UBR3: variants seen among roughly 807,000 people sequenced by gnomAD.
UBR3 encodes the protein ubiquitin protein ligase E3 component n-recognin 3.
In UBR3, 85 loss-of-function variants were observed where a neutral mutation model predicts 243.2. That is an observed-to-expected ratio of 0.35 (90% CI 0.29 to 0.42). The LOEUF is 0.42. UBR3 is among the 10% of genes least tolerant of loss of function. The pLI is 1.00. For synonymous variants in UBR3, 748 were observed against 799.8 expected, an observed-to-expected ratio of 0.94 and a Z score of 1.09; for missense variants, 1,686 against 2,300.8, an observed-to-expected ratio of 0.73 and a Z score of 5.47.
chr2:170,039,329 T>C lies in UBR3; in HGVS notation c.4557-1553T>C, dbSNP rs1241105731. 2.6e-5 allele frequency among the ~76,000 whole-genome samples: 4 copies of C among 152,166 alleles called. No individual in the cohort carries two copies. The East Asian group carries it at 5.8e-4, about 22-fold the overall frequency. ...TTTGTAATTAGGAGATCATTGTTGA[T>C]CATGTGAAACTATTTCTGTGGGGAA... is the stretch of plus-strand genomic sequence containing the variant. On this transcript the variant is annotated intron_variant, in intron 31 of 38. Transcript: ENST00000272793.
rs1211044883 is a variant in UBR3, at chr2:170,061,387, A to G, written c.4963A>G (p.Arg1655Gly). 6.2e-7 allele frequency: 1 copy of G among 1,614,116 alleles called. No homozygotes were observed. Among genetic ancestry groups the G allele is most frequent in the African/African-American group, 1.3e-5 (1 of 75,034 alleles). The part of the protein sequence containing the change: ...CLQDFCLPFL[R>G]ITSLLQHHLF... ...ACAGGACTTCTGCTTACCTTTTCTC[A>G]GAATCACCAGCCTTCTTCAGCACCA... The change falls in exon 35 of 39, where the codon AGA becomes GGA. Residue 1655 changes from arginine (R) to glycine (G), a missense_variant. Around this residue, in one of 8 missense-constraint regions of UBR3, gnomAD observed 371 missense variants for 422.5 expected, o/e 0.88. Coordinates refer to ENST00000272793, the MANE Select transcript of UBR3 (RefSeq NM_172070.4).
intron 18 of UBR3, among the ~76,000 whole-genome samples, chr2:169,931,073 C>T (rs764620240): frequency 9.2e-5 from 14 of 152,068 alleles, no homozygotes; most frequent in African/African-American, 2.7e-4. Context: ...CGATCAAGGC[C>T]GGGCGCAGTG....
rs529324045 is a variant in UBR3 at position 169,964,865 on chromosome 2, C to A, written c.3634+6339C>A. On this transcript the variant is annotated intron_variant, in intron 24 of 38. Coordinates refer to ENST00000272793, the MANE Select transcript of UBR3 (RefSeq NM_172070.4). The stretch of plus-strand genomic sequence containing the variant: ...CAGGAAGAACAATTGAGGGATCAGG[C>A]AAATATGATTGCTAGCAAACAGAGG... The A allele has an allele frequency of 1.9e-4, 87 of 456,784 alleles. 2 individuals carry two copies. The highest frequency in any genetic ancestry group is 1.3e-3 in the South Asian group (85 of 64,540). 28.3% of individuals were successfully genotyped at this position (456,784 alleles called of 1,614,324 possible).
chr2:170,078,052 C>G, intron 36 of UBR3: 1 of 681,376 alleles, frequency 1.5e-6, no homozygotes, highest in Non-Finnish European at 2.8e-6. Flanking sequence ...AGGTACTGCT[C>G]CCTGTGGAGT....
intron 1 of UBR3, among the ~76,000 whole-genome samples, chr2:169,851,752 C>G: frequency 6.6e-6 from 1 of 150,694 alleles, no homozygotes; most frequent in Admixed American, 6.6e-5. Flanking sequence ...GCAGGAGAAT[C>G]ACTTGAACCA....
intron 24 of UBR3, among the ~76,000 whole-genome samples, chr2:169,977,466 A>G (rs2088503827): frequency 6.6e-6 from 1 of 152,180 alleles, no homozygotes; most frequent in South Asian, 2.1e-4. Context: ...AGCTGACAGT[A>G]CAGTACCCGG....
chr2:169,949,999 T>A lies in UBR3; in HGVS notation c.3479T>A (p.Val1160Glu). 6.2e-7 allele frequency: 1 copy of A among 1,612,914 alleles called. No homozygotes were observed. Among genetic ancestry groups the A allele is most frequent in the East Asian group, 2.2e-5 (1 of 44,870 alleles). Residue 1160 changes from valine (V) to glutamate (E), a missense_variant, in exon 23 of 39, where the codon GTG becomes GAG. This residue lies in a region of UBR3 where 300 missense variants were observed against 314.4 expected (regional missense o/e 0.95). Coordinates refer to ENST00000272793, the MANE Select transcript of UBR3 (RefSeq NM_172070.4). ...KRIIEEICRK[V>E]TPPVPPKKVT... ...ATCATTGAAGAGATATGTAGAAAAGTGACCCCTCCTGTACCACCTAAAAAA... is the reference window on the plus strand; with the variant it reads ...ATCATTGAAGAGATATGTAGAAAAGAGACCCCTCCTGTACCACCTAAAAAA...
rs566033857 is a variant in UBR3, at chr2:169,929,531, G to A, written c.2566+663G>A. On this transcript the variant is annotated intron_variant, in intron 18 of 38. Coordinates refer to ENST00000272793, the MANE Select transcript of UBR3 (RefSeq NM_172070.4). Reference sequence around the variant, plus strand: ...GTGGAGGTTATAGTGAGACCCTATCGTGGCCACTGCACTCCAGCCTAGGCA... The same window carrying A: ...GTGGAGGTTATAGTGAGACCCTATCATGGCCACTGCACTCCAGCCTAGGCA... Among the ~76,000 whole-genome samples the A allele has an allele frequency of 2.5e-4, 38 of 152,108 alleles. No individual in the cohort carries two copies. The South Asian group carries it at 5.2e-3, about 21-fold the overall frequency.
chr2:170,065,841 A>G (rs924647235), intron 35 of UBR3, among the ~76,000 whole-genome samples: 5 of 152,152 alleles, frequency 3.3e-5, no homozygotes, highest in African/African-American at 4.8e-5. Context: ...TGAAAATACT[A>G]TATGTCCCAT....
intron 25 of UBR3, among the ~76,000 whole-genome samples, chr2:169,989,341 T>C (rs913071974): frequency 6.6e-6 from 1 of 152,186 alleles, no homozygotes; most frequent in African/African-American, 2.4e-5. Context: ...CTTTGTGGTC[T>C]TTTAATTAAT....
chr2:170,015,675 T>C (rs2090215322), intron 30 of UBR3, among the ~76,000 whole-genome samples: 1 of 151,906 alleles, frequency 6.6e-6, no homozygotes, highest in South Asian at 2.1e-4. Flanking sequence ...AATTTTTACA[T>C]TGAATTAAGA....
intron 21 of UBR3, 50 bp downstream of exon 21, chr2:169,946,442 G>T: frequency 9.9e-7 from 1 of 1,013,926 alleles, no homozygotes; most frequent in Non-Finnish European, 1.4e-6. Flanking sequence ...CCCCTATCTG[G>T]CTCCAACCAA....
chr2:169,875,490 G>C (rs2083574198), intron 2 of UBR3, among the ~76,000 whole-genome samples: 1 of 151,946 alleles, frequency 6.6e-6, no homozygotes, highest in Non-Finnish European at 1.5e-5. Flanking sequence ...CACCACACTT[G>C]GTTAATTTTT....
chr2:170,054,282 GC>G (rs1446454094), intron 32 of UBR3, among the ~76,000 whole-genome samples: 2 of 146,566 alleles, frequency 1.4e-5, no homozygotes, highest in Non-Finnish European at 3.0e-5. Flanking sequence ...ACCACACCCA[GC>G]TTTTTTTTTT....
chr2:169,911,405 G>A (rs1467773758), intron 10 of UBR3, among the ~76,000 whole-genome samples: 1 of 152,022 alleles, frequency 6.6e-6, no homozygotes, highest in East Asian at 1.9e-4. Context: ...CATTTCACTT[G>A]CCTCTTCAGA....
intron 1 of UBR3, among the ~76,000 whole-genome samples, chr2:169,831,950 A>G (rs759084074): frequency 1.1e-4 from 16 of 152,054 alleles, no homozygotes; most frequent in Admixed American, 6.5e-5. Context: ...TTTCAGCTGT[A>G]TTTGTGCTCT....
chr2:169,933,030 G>A (rs1007461945), intron 19 of UBR3, 22 bp downstream of exon 19: 2 of 1,472,070 alleles, frequency 1.4e-6, no homozygotes, highest in South Asian at 1.3e-5. Flanking sequence ...AAATTGATTA[G>A]CATCATAACA....
rs2083450867 is a variant in UBR3 at position 169,871,857 on chromosome 2, A to C, written c.546-379A>C. 2.6e-5 allele frequency among the ~76,000 whole-genome samples: 4 copies of C among 152,166 alleles called. No individual in the cohort carries two copies. The South Asian group carries it at 8.3e-4, about 31-fold the overall frequency. On this transcript the variant is annotated intron_variant, in intron 1 of 38. Transcript: ENST00000272793. ...CACTTACCTATTCATTAATGCAATA[A>C]GTTAGAAATAGGAAAAATGTAAATG...
chr2:169,999,878 C>T (rs1430681693), intron 26 of UBR3, among the ~76,000 whole-genome samples: 1 of 152,092 alleles, frequency 6.6e-6, no homozygotes, highest in Non-Finnish European at 1.5e-5. Context: ...AATCCCAGCA[C>T]TTTGGGAGGC....
Sources: gnomAD v4.1 joint callset for allele counts (sites outside exome capture counted in the v4.1 genomes callset) on GRCh38, gnomAD v4.1.1 for gene constraint, gnomAD v4.1.1 regional missense constraint, MANE v1.5 for transcripts, NCBI Gene and HGNC (gene_info 2026-07-23, HGNC 2026-07-21) for gene names.